Variants in TEAD1 observed in about 807,000 individuals in gnomAD.
TEAD1 encodes the protein transcriptional enhancer factor TEF-1.
A neutral mutation model predicts 54.9 loss-of-function variants in TEAD1; 9 were observed. That is an observed-to-expected ratio of 0.16 (90% CI 0.10 to 0.29). TEAD1 has a LOEUF of 0.29. Ranked by LOEUF, TEAD1 falls within the 10% of genes least tolerant of loss-of-function variation. TEAD1 has a pLI of 1.00. For synonymous variants in TEAD1, 200 were observed against 187.8 expected, an observed-to-expected ratio of 1.07 and a Z score of -0.53; for missense variants, 387 against 535.9, an observed-to-expected ratio of 0.72 and a Z score of 2.74.
At chr11:12,812,907 A>G (rs1256731399) in intron 3 of TEAD1, among the ~76,000 whole-genome samples, 1 of 152,218 alleles carries the variant, frequency 6.6e-6, no homozygotes, top group African/African-American at 2.4e-5. Context: ...CTAAGGTACT[A>G]GCTAGACTGT....
intron 3 of TEAD1, among the ~76,000 whole-genome samples, chr11:12,811,718 G>T (rs1946304652): frequency 6.6e-6 from 1 of 151,938 alleles, no homozygotes; most frequent in Non-Finnish European, 1.5e-5. Context: ...TAGATCTGTG[G>T]GTTGGAATAG....
At chr11:12,810,188 T>G (rs1053534017) in intron 3 of TEAD1, among the ~76,000 whole-genome samples, 1 of 151,748 alleles carries the variant, frequency 6.6e-6, no homozygotes. Context: ...ACCATGTTGG[T>G]CAGGCTAGTC....
intron 3 of TEAD1, among the ~76,000 whole-genome samples, chr11:12,810,129 C>T (rs1268875719): frequency 1.3e-5 from 2 of 152,024 alleles, no homozygotes; most frequent in Admixed American, 6.6e-5. Flanking sequence ...TATAGGCGCA[C>T]ACCACCACGC....
chr11:12,702,718 TC>T (rs1943729214), intron 2 of TEAD1, among the ~76,000 whole-genome samples: 1 of 147,684 alleles, frequency 6.8e-6, no homozygotes, highest in African/African-American at 2.7e-5. Flanking sequence ...TCCGTCCTTC[TC>T]TCGCCCGGAT....
At chr11:12,853,690 C>T (rs1947318035) in intron 3 of TEAD1, among the ~76,000 whole-genome samples, 2 of 152,190 alleles carry the variant, frequency 1.3e-5, no homozygotes, top group South Asian at 4.1e-4. Context: ...TTTACTTGCT[C>T]ATCTCTTTCT....
chr11:12,906,065 A>G lies in TEAD1; in HGVS notation c.873+3952A>G, dbSNP rs1272979135. On this transcript the variant is annotated intron_variant, in intron 10 of 12. Transcript: ENST00000527636. ...TGGCATCCCAGGCCCCAGAGCATAA[A>G]TGAATAACAGAGTCAAGGATGCCAG... Among the ~76,000 whole-genome samples the G allele has an allele frequency of 2.0e-5, 3 of 152,276 alleles. No homozygotes were observed. The East Asian group carries it at 5.8e-4, about 29-fold the overall frequency.
chr11:12,925,990 T>C (rs768098646), intron 11 of TEAD1, among the ~76,000 whole-genome samples: 1 of 152,176 alleles, frequency 6.6e-6, no homozygotes, highest in African/African-American at 2.4e-5. Flanking sequence ...TTTAAAAAGA[T>C]GTATATTTGT....
intron 2 of TEAD1, among the ~76,000 whole-genome samples, chr11:12,676,934 A>C (rs1943105789): frequency 6.6e-6 from 1 of 152,130 alleles, no homozygotes; most frequent in Non-Finnish European, 1.5e-5. Flanking sequence ...TTTTATTTTT[A>C]CTTTAATGGT....
intron 2 of TEAD1, among the ~76,000 whole-genome samples, chr11:12,705,083 C>T (rs1334722284): frequency 6.6e-6 from 1 of 152,188 alleles, no homozygotes; most frequent in East Asian, 1.9e-4. Context: ...ATGGAATGGG[C>T]TTGACAGCCA....
intron 5 of TEAD1, among the ~76,000 whole-genome samples, chr11:12,873,333 G>T (rs1947793293): frequency 6.6e-6 from 1 of 152,158 alleles, no homozygotes; most frequent in South Asian, 2.1e-4. Flanking sequence ...CTAAATCCCA[G>T]GCTTCCTGGG....
At chr11:12,715,550 G>C (rs1269047188) in intron 2 of TEAD1, among the ~76,000 whole-genome samples, 1 of 152,148 alleles carries the variant, frequency 6.6e-6, no homozygotes, top group Non-Finnish European at 1.5e-5. Flanking sequence ...GCAGCAGGCT[G>C]GCTGTCTCTC....
intron 3 of TEAD1, among the ~76,000 whole-genome samples, chr11:12,838,802 A>G (rs974692042): frequency 7.2e-5 from 11 of 152,212 alleles, no homozygotes; most frequent in African/African-American, 2.7e-4. Flanking sequence ...AGTCTCTAAG[A>G]GAGTTTCTCT....
At chr11:12,797,162 G>A (rs1327478982) in intron 3 of TEAD1, among the ~76,000 whole-genome samples, 1 of 152,172 alleles carries the variant, frequency 6.6e-6, no homozygotes. Context: ...TTGTGGTGAG[G>A]GGAAGCACTA....
chr11:12,829,975 G>T (rs985743670), intron 3 of TEAD1, among the ~76,000 whole-genome samples: 3 of 152,194 alleles, frequency 2.0e-5, no homozygotes, highest in Non-Finnish European at 4.4e-5. Context: ...GAAGGTCAGA[G>T]AGGTTTGATG....
At position 12,831,709 on chromosome 11, in the gene TEAD1, G is replaced by A. The variant is rs187845670; in HGVS notation, c.203-30541G>A. On this transcript the variant is annotated intron_variant, in intron 3 of 12. Transcript: ENST00000527636. Reference sequence around the variant, plus strand: ...TGGGAGGATTACTTGAGCCTGGGTGGCAGAGGTTGCAACAAGCCGAGATCA... The same window carrying A: ...TGGGAGGATTACTTGAGCCTGGGTGACAGAGGTTGCAACAAGCCGAGATCA... 4.6e-5 allele frequency among the ~76,000 whole-genome samples: 7 copies of A among 151,472 alleles called. No individual in the cohort carries two copies. In the East Asian group the frequency reaches 1.4e-3, roughly 29 times the overall value.
At chr11:12,788,285 C>T (rs928986706) in intron 3 of TEAD1, among the ~76,000 whole-genome samples, 6 of 152,018 alleles carry the variant, frequency 3.9e-5, no homozygotes, top group Non-Finnish European at 5.9e-5. Context: ...TACAGAGCTA[C>T]CGTGCCCAGC....
rs373343660 is a variant in TEAD1 at position 12,738,600 on chromosome 11, G to A, written c.-54-25579G>A. ...CTGCAAATCACCTTGTCCACATATA[G>A]GATCTCCCTTTTTCTAGTAGAGGAT... is the stretch of plus-strand genomic sequence containing the variant. On this transcript the variant is annotated intron_variant, in intron 2 of 12. Transcript: ENST00000527636. Among the ~76,000 whole-genome samples, 7 of 151,070 alleles carry A rather than the reference G, an allele frequency of 4.6e-5. No individual in the cohort carries two copies. The South Asian group carries it at 1.5e-3, about 32-fold the overall frequency.
At chr11:12,738,927 C>T (rs936642241) in intron 2 of TEAD1, among the ~76,000 whole-genome samples, 1 of 152,124 alleles carries the variant, frequency 6.6e-6, no homozygotes, top group African/African-American at 2.4e-5. Flanking sequence ...TGTTGATGGG[C>T]AGTTGGCAGA....
intron 9 of TEAD1, among the ~76,000 whole-genome samples, chr11:12,899,515 A>T (rs1948383689): frequency 6.6e-6 from 1 of 152,188 alleles, no homozygotes; most frequent in South Asian, 2.1e-4. Context: ...ATGTGGCAAC[A>T]TTTGAAAAAA....
Sources: gnomAD v4.1 joint callset for allele counts (sites outside exome capture counted in the v4.1 genomes callset) on GRCh38, gnomAD v4.1.1 for gene constraint, MANE v1.5 for transcripts, NCBI Gene and HGNC (gene_info 2026-07-23, HGNC 2026-07-21) for gene names.